Variants in COL4A2 observed in about 807,000 individuals in gnomAD.
COL4A2 encodes the protein collagen alpha-2(IV) chain.
Under a neutral mutation model 200.2 loss-of-function variants are expected in COL4A2, and 99 were observed. That is an observed-to-expected ratio of 0.49 (90% CI 0.42 to 0.58). The LOEUF is 0.58. Ranked by LOEUF, COL4A2 falls within the 20% of genes least tolerant of loss-of-function variation. The pLI, the probability that COL4A2 is intolerant of heterozygous loss-of-function variation, is 0.00. For synonymous variants in COL4A2, 897 were observed against 900.6 expected (o/e 1.00, Z 0.07); for missense variants, 1,950 against 2,314.1 (o/e 0.84, Z 3.23).
chr13:110,493,893 T>G (rs1410280879), intron 39 of COL4A2, among the ~76,000 whole-genome samples: 2 of 152,138 alleles, frequency 1.3e-5, no homozygotes, highest in Non-Finnish European at 2.9e-5. Flanking sequence ...TCACTTCTTA[T>G]AAGGGCAGTA....
chr13:110,491,159 C>A, intron 36 of COL4A2, 74 bp from the exon 37 acceptor site: 1 of 1,007,682 alleles, frequency 9.9e-7, no homozygotes, highest in Non-Finnish European at 1.5e-6. Context: ...TCTGCACATC[C>A]TAGAGCCGGG....
At chr13:110,461,309 G>C (rs1882017805) in intron 22 of COL4A2, among the ~76,000 whole-genome samples, 2 of 152,218 alleles carry the variant, frequency 1.3e-5, no homozygotes. Flanking sequence ...AAGCCACCTT[G>C]ACTTTTAATT....
chr13:110,390,445 G>T (rs144501925), intron 4 of COL4A2, among the ~76,000 whole-genome samples: 93 of 152,358 alleles, frequency 6.1e-4, no homozygotes, highest in Non-Finnish European at 1.0e-3. Flanking sequence ...CTAGCCCAGC[G>T]CTGGGAGTCT....
intron 4 of COL4A2, among the ~76,000 whole-genome samples, chr13:110,400,728 G>C: frequency 6.6e-6 from 1 of 152,142 alleles, no homozygotes; most frequent in East Asian, 1.9e-4. Context: ...GAGTTATTCA[G>C]AAGATAAAGC....
intron 4 of COL4A2, among the ~76,000 whole-genome samples, chr13:110,419,892 C>T (rs1377365585): frequency 6.6e-6 from 1 of 152,150 alleles, no homozygotes; most frequent in East Asian, 1.9e-4. Context: ...TCTGCATGAC[C>T]CAGTAAGCCA....
At chr13:110,418,103 T>A (rs1880114664) in intron 4 of COL4A2, among the ~76,000 whole-genome samples, 1 of 152,190 alleles carries the variant, frequency 6.6e-6, no homozygotes, top group African/African-American at 2.4e-5. Flanking sequence ...GTTATATCTC[T>A]CTGTGGATTT....
Position 110,480,282 on chromosome 13 carries a change from G to A in COL4A2, c.2650G>A (p.Gly884Ser), listed in dbSNP as rs772597024. The change falls in exon 31 of 48, where the codon GGT becomes AGT. Residue 884 changes from glycine to serine, a missense_variant. Physicochemically the swap from Gly to Ser is moderately conservative, Grantham distance 56. Around this residue, in one of 2 missense-constraint regions of COL4A2, gnomAD observed 1,385 missense variants for 1,720.5 expected, o/e 0.80. Coordinates refer to ENST00000360467, the MANE Select transcript of COL4A2 (RefSeq NM_001846.4). ...TGAPGPVGMK[G>S]LSGDRGDAGF... ...CGCTCCTGGCCCTGTGGGCATGAAAGGTCTCTCTGGTGACAGAGGAGATGC... is the reference window on the plus strand; with the variant it reads ...CGCTCCTGGCCCTGTGGGCATGAAAAGTCTCTCTGGTGACAGAGGAGATGC... 1 of 1,613,840 alleles carries A rather than the reference G, an allele frequency of 6.2e-7. No individual in the cohort carries two copies. Among genetic ancestry groups the A allele is most frequent in the Non-Finnish European group, 8.5e-7 (1 of 1,179,852 alleles).
chr13:110,447,785 A>G (rs1881387161), intron 18 of COL4A2, among the ~76,000 whole-genome samples: 1 of 152,152 alleles, frequency 6.6e-6, no homozygotes, highest in Non-Finnish European at 1.5e-5. Context: ...GGCATTGTGA[A>G]GGGTAGGGTT....
At chr13:110,447,725 A>G (rs568512137) in intron 18 of COL4A2, among the ~76,000 whole-genome samples, 60 of 136,694 alleles carry the variant, frequency 4.4e-4, no homozygotes, top group Non-Finnish European at 8.3e-4. Flanking sequence ...ACAGAGTTGG[A>G]GCTCAGCAAA....
At chr13:110,354,016 A>T (rs1877080360) in intron 3 of COL4A2, among the ~76,000 whole-genome samples, 2 of 152,250 alleles carry the variant, frequency 1.3e-5, no homozygotes, top group African/African-American at 2.4e-5. Flanking sequence ...CACTACAACT[A>T]AATACAGTGA....
intron 18 of COL4A2, among the ~76,000 whole-genome samples, chr13:110,448,937 TGGCTGC>T (rs943974990): frequency 6.6e-6 from 1 of 152,240 alleles, no homozygotes; most frequent in African/African-American, 2.4e-5. Context: ...CCAGGGCCTC[TGGCTGC>T]GGAGCGCAGC....
intron 3 of COL4A2, among the ~76,000 whole-genome samples, chr13:110,348,474 A>T (rs1876812101): frequency 6.6e-6 from 1 of 152,222 alleles, no homozygotes; most frequent in South Asian, 2.1e-4. Flanking sequence ...TTATTTCCTT[A>T]ATTTCTAAAG....
At chr13:110,319,697 T>A (rs1269237367) in intron 3 of COL4A2, among the ~76,000 whole-genome samples, 1 of 152,192 alleles carries the variant, frequency 6.6e-6, no homozygotes, top group Non-Finnish European at 1.5e-5. Flanking sequence ...TTGGTAGTTG[T>A]CCTAATTGTA....
intron 16 of COL4A2, 149 bp downstream of exon 16, chr13:110,439,982 C>A: frequency 7.9e-7 from 1 of 1,262,546 alleles, no homozygotes; most frequent in Non-Finnish European, 1.1e-6. Context: ...CAAAGATAAT[C>A]CTGCCTCACA....
At position 110,467,106 on chromosome 13, in the gene COL4A2, G is replaced by A. The variant is rs373771439; in HGVS notation, c.2095+10G>A. The A allele has an allele frequency of 7.1e-5, 114 of 1,613,810 alleles. No homozygotes were observed. Among genetic ancestry groups the A allele is most frequent in the African/African-American group, 1.3e-4 (10 of 74,886 alleles). On this transcript the variant is annotated intron_variant, in intron 27 of 47. Coordinates refer to ENST00000360467, the MANE Select transcript of COL4A2 (RefSeq NM_001846.4). ...CCCCCAGGCCCCACAGGTAATGCACGGAGGGAACCTGGAGTGCACCCAGCC... is the reference window on the plus strand; with the variant it reads ...CCCCCAGGCCCCACAGGTAATGCACAGAGGGAACCTGGAGTGCACCCAGCC...
intron 20 of COL4A2, among the ~76,000 whole-genome samples, chr13:110,452,409 G>T: frequency 6.6e-6 from 1 of 152,154 alleles, no homozygotes; most frequent in South Asian, 2.1e-4. Flanking sequence ...TGATCCGCCC[G>T]CCTCGGTCTC....
At chr13:110,469,402 A>G (rs1328494809) in intron 28 of COL4A2, 78 bp downstream of exon 28, 4 of 1,382,130 alleles carry the variant, frequency 2.9e-6, no homozygotes, top group East Asian at 2.5e-5. Flanking sequence ...ATCCAGCTCT[A>G]TTATCTTCCA....
chr13:110,445,051 A>C (rs974623364), intron 16 of COL4A2, among the ~76,000 whole-genome samples: 5 of 151,870 alleles, frequency 3.3e-5, no homozygotes, highest in Non-Finnish European at 5.9e-5. Flanking sequence ...GGGTTTCACT[A>C]TGTTTCCCAA....
chr13:110,429,969 G>A lies in COL4A2; in HGVS notation c.549+13G>A, dbSNP rs1482876941. On this transcript the variant is annotated intron_variant, in intron 8 of 47. Coordinates refer to ENST00000360467, the MANE Select transcript of COL4A2 (RefSeq NM_001846.4). ...CGACAGATATCGGGTACGTTTGCAA[G>A]AGATGGGAGGGGTAATGAAGGGACC... The A allele has an allele frequency of 1.9e-6, 3 of 1,584,822 alleles. No individual in the cohort carries two copies. The highest frequency in any genetic ancestry group is 2.6e-6 in the Non-Finnish European group (3 of 1,168,826).
Sources: allele counts gnomAD v4.1 joint callset (sites outside exome capture counted in the v4.1 genomes callset), GRCh38; gene constraint gnomAD v4.1.1; regional missense constraint gnomAD v4.1.1; transcripts MANE v1.5; gene names NCBI Gene and HGNC (gene_info 2026-07-23, HGNC 2026-07-21).